The following NKAIN3 variants were observed in gnomAD, a reference collection of about 807,000 sequenced individuals.
The protein encoded by NKAIN3 is sodium/potassium transporting ATPase interacting 3.
NKAIN3 carries 25 observed loss-of-function variants against 30.2 expected under a neutral mutation model. The observed-to-expected ratio is 0.83, with a 90% CI of 0.60 to 1.16. The LOEUF is 1.16. Among genes scored for constraint, NKAIN3 ranks in the 50% most tolerant of loss-of-function variants. NKAIN3 has a pLI of 0.00. For missense variants in NKAIN3, 225 were observed against 254.1 expected (o/e 0.89, Z 0.78); for synonymous variants, 91 against 89.6 (o/e 1.02, Z -0.09).
In NKAIN3 at chr8:62,249,145, C is replaced by T. The variant is rs368332166; in HGVS notation, c.54+18C>T. 3.3e-6 allele frequency: 5 copies of T among 1,529,200 alleles called. No individual in the cohort carries two copies. The highest frequency in any genetic ancestry group is 2.8e-5 in the African/African-American group (2 of 70,682). The allele number at this position is 1,529,200 out of a possible 1,614,324, so 94.7% of individuals were successfully genotyped here. A position where few individuals can be genotyped will look rare whatever the true frequency, so the allele number is the denominator to read the frequency against. On this transcript the variant is annotated intron_variant, in intron 1 of 6. Transcript: ENST00000623646. ...TGCAGTTGGTGAGTGCCCCGAGGGC[C>T]CCTGCCCCAGGACAGGTCCCTGCTC...
At chr8:62,459,843 G>A (rs545473242) in intron 1 of NKAIN3, among the ~76,000 whole-genome samples, 7 of 152,304 alleles carry the variant, frequency 4.6e-5, no homozygotes, top group Admixed American at 1.3e-4. Flanking sequence ...TGAGTCCAGA[G>A]AGGGAGGTGA....
At chr8:62,577,536 C>CTTTTTTTTTTTTTTTTTT (rs35130487) in intron 1 of NKAIN3, among the ~76,000 whole-genome samples, 1 of 111,190 alleles carries the variant, frequency 9.0e-6, no homozygotes, top group Admixed American at 9.5e-5. Flanking sequence ...TCAGGGTTTC[C>CTTTTTTTTTTTTTTTTTT]TTTTTTTTTT....
rs1259823075 is a variant in NKAIN3 at position 62,739,296 on chromosome 8, T to TA, written c.274-7628dup. Among the ~76,000 whole-genome samples, 7 of 151,886 alleles carry TA rather than the reference T, an allele frequency of 4.6e-5. No homozygotes were observed. The South Asian group carries it at 6.2e-4, about 13-fold the overall frequency. On this transcript the variant is annotated intron_variant, in intron 3 of 6. Coordinates refer to ENST00000623646, the MANE Select transcript of NKAIN3 (RefSeq NM_001304533.3). ...AAAAAAAATATATATATACACAAAT[T>TA]AAAAAAAAGAATTATCTATTTGTAA...
chr8:62,613,056 C>T (rs552024618), intron 3 of NKAIN3, among the ~76,000 whole-genome samples: 18 of 152,114 alleles, frequency 1.2e-4, no homozygotes, highest in African/African-American at 3.6e-4. Flanking sequence ...AGTTTACACA[C>T]CACAGTTACA....
intron 3 of NKAIN3, among the ~76,000 whole-genome samples, chr8:62,638,874 C>A (rs757750110): frequency 6.6e-6 from 1 of 152,128 alleles, no homozygotes; most frequent in African/African-American, 2.4e-5. Flanking sequence ...GCTTGACAAT[C>A]TCTGTGCTCC....
At chr8:62,413,721 A>G (rs1804338544) in intron 1 of NKAIN3, among the ~76,000 whole-genome samples, 1 of 152,170 alleles carries the variant, frequency 6.6e-6, no homozygotes, top group Admixed American at 6.5e-5. Context: ...CTCAGAATAA[A>G]TGTACATTTT....
chr8:62,383,849 G>C (rs1817347346), intron 1 of NKAIN3, among the ~76,000 whole-genome samples: 1 of 151,152 alleles, frequency 6.6e-6, no homozygotes, highest in South Asian at 2.1e-4. Flanking sequence ...TTCACCTGCT[G>C]GTTTAGCTAC....
At position 62,957,711 on chromosome 8, in the gene NKAIN3, G is replaced by A. The variant is rs975774846; in HGVS notation, c.603+3739G>A. ...GTACACAGATCAAGGGTTGCGGGAGGGGAGACACGAATAGGCAAAGACAGA... is the reference window on the plus strand; with the variant it reads ...GTACACAGATCAAGGGTTGCGGGAGAGGAGACACGAATAGGCAAAGACAGA... On this transcript the variant is annotated intron_variant, in intron 6 of 6. Coordinates refer to ENST00000623646, the MANE Select transcript of NKAIN3 (RefSeq NM_001304533.3). Among the ~76,000 whole-genome samples, 3 of 152,098 alleles carry A rather than the reference G, an allele frequency of 2.0e-5. No individual in the cohort carries two copies. The East Asian group carries it at 5.8e-4, about 29-fold the overall frequency.
At chr8:62,941,473 C>T (rs1817197) in intron 5 of NKAIN3, among the ~76,000 whole-genome samples, 18,569 of 151,854 alleles carry the variant, frequency 0.12, 1,340 homozygotes, top group East Asian at 0.25. Context: ...AACTACAGAC[C>T]AATACCCCTG....
chr8:62,985,658 C>T (rs987843427), downstream of NKAIN3, among the ~76,000 whole-genome samples: 2 of 152,108 alleles, frequency 1.3e-5, no homozygotes, highest in African/African-American at 2.4e-5. Flanking sequence ...GAGTCATTTG[C>T]ACTGGGATTC....
At chr8:62,886,365 A>T (rs1821148115) in intron 4 of NKAIN3, among the ~76,000 whole-genome samples, 1 of 151,996 alleles carries the variant, frequency 6.6e-6, no homozygotes, top group African/African-American at 2.4e-5. Context: ...ATAATCAAAT[A>T]TATTATTATT....
chr8:62,848,016 CTATTG>C (rs1819744492), intron 4 of NKAIN3, among the ~76,000 whole-genome samples: 1 of 152,104 alleles, frequency 6.6e-6, no homozygotes, highest in African/African-American at 2.4e-5. Context: ...TCTGGGTTCT[CTATTG>C]TATTCCATTG....
chr8:62,369,311 G>C (rs1354201720), intron 1 of NKAIN3, among the ~76,000 whole-genome samples: 1 of 152,052 alleles, frequency 6.6e-6, no homozygotes, highest in Non-Finnish European at 1.5e-5. Flanking sequence ...GTGTCTATGA[G>C]GGTGTCTTTT....
chr8:62,563,489 T>C (rs1029020381), intron 1 of NKAIN3, among the ~76,000 whole-genome samples: 1 of 152,152 alleles, frequency 6.6e-6, no homozygotes, highest in Admixed American at 6.6e-5. Flanking sequence ...TCAGTGTCTT[T>C]AGTGCTGCTT....
At chr8:62,337,199 T>A (rs1163566377) in intron 1 of NKAIN3, among the ~76,000 whole-genome samples, 1 of 151,998 alleles carries the variant, frequency 6.6e-6, no homozygotes, top group Non-Finnish European at 1.5e-5. Context: ...ATGCACAACA[T>A]ATCATTTCTG....
intron 1 of NKAIN3, among the ~76,000 whole-genome samples, chr8:62,539,942 TA>T (rs1359409459): frequency 1.3e-5 from 2 of 152,170 alleles, no homozygotes; most frequent in East Asian, 3.8e-4. Flanking sequence ...CAAAAGGCAA[TA>T]AATGATCTAT....
intron 4 of NKAIN3, among the ~76,000 whole-genome samples, chr8:62,799,598 G>A (rs56808205): frequency 0.014 from 2,106 of 152,302 alleles, 50 homozygotes; most frequent in African/African-American, 0.049. Context: ...CTGTTGGTGG[G>A]AATGTAAACT....
chr8:62,362,533 G>A (rs1421326872), intron 1 of NKAIN3, among the ~76,000 whole-genome samples: 2 of 152,176 alleles, frequency 1.3e-5, no homozygotes, highest in Non-Finnish European at 2.9e-5. Context: ...GAAACTGTAA[G>A]AGAAGCAGGC....
intron 1 of NKAIN3, among the ~76,000 whole-genome samples, chr8:62,251,829 T>TCA (rs1812114507): frequency 6.6e-6 from 1 of 152,208 alleles, no homozygotes; most frequent in South Asian, 2.1e-4. Context: ...ATACTTTATA[T>TCA]AGCATTTCCG....
Sources: gnomAD v4.1 joint callset for allele counts (sites outside exome capture counted in the v4.1 genomes callset) on GRCh38, gnomAD v4.1.1 for gene constraint, MANE v1.5 for transcripts, NCBI Gene and HGNC (gene_info 2026-07-23, HGNC 2026-07-21) for gene names.